RNF150: variants seen among roughly 807,000 people sequenced by gnomAD.
RNF150 encodes the protein ring finger protein 150.
Under a neutral mutation model 39.3 loss-of-function variants are expected in RNF150, and 24 were observed. The ratio of observed to expected loss-of-function variants is 0.61; its 90% CI spans 0.44 to 0.86. RNF150 has a LOEUF of 0.86. RNF150 is among the 40% of genes least tolerant of loss of function. The pLI is 0.00. For missense variants in RNF150, 502 were observed against 587.8 expected (o/e 0.85, Z 1.51); for synonymous variants, 255 against 227.3 (o/e 1.12, Z -1.10).
Position 140,911,315 on chromosome 4 carries a change from C to G in RNF150, c.1027G>C (p.Glu343Gln). The part of the protein sequence containing the change: ...DCMDDLPTDF[E>Q]GSLGGPPTNQ... ...GTGGGTGGACCTCCCAGAGAGCCCT[C>G]GAAGTCAGTGGGCAAGTCGTCCATG... The change falls in exon 6 of 7, where the codon GAG (glutamate) becomes CAG (glutamine). Residue 343 changes from glutamate (E) to glutamine (Q), a missense_variant. By Grantham distance (29) the Glu-to-Gln change is conservative. Transcript: ENST00000515673. 1.9e-6 allele frequency: 3 copies of G among 1,614,066 alleles called. No individual in the cohort carries two copies. The highest frequency in any genetic ancestry group is 2.5e-6 in the Non-Finnish European group (3 of 1,180,012).
intron 5 of RNF150, among the ~76,000 whole-genome samples, chr4:140,912,640 T>G (rs966180453): frequency 6.6e-6 from 1 of 152,180 alleles, no homozygotes. Context: ...TCTCCTGAGC[T>G]CCACACCTGT....
intron 1 of RNF150, among the ~76,000 whole-genome samples, chr4:140,977,672 C>T (rs1006565104): frequency 9.2e-5 from 14 of 152,112 alleles, no homozygotes; most frequent in African/African-American, 2.4e-4. Context: ...AGTCACTGAA[C>T]CTCTCATATA....
intron 1 of RNF150, among the ~76,000 whole-genome samples, chr4:141,063,778 TCA>T (rs1458811842): frequency 1.3e-5 from 2 of 152,268 alleles, no homozygotes; most frequent in East Asian, 1.9e-4. Context: ...TTACAGATTC[TCA>T]CAGTTTCATG....
intron 2 of RNF150, among the ~76,000 whole-genome samples, chr4:140,951,321 G>A (rs182501692): frequency 1.3e-5 from 2 of 152,178 alleles, no homozygotes; most frequent in African/African-American, 4.8e-5. Flanking sequence ...TAATAAAGCT[G>A]CCTTCAATAA....
At chr4:140,937,480 C>T (rs1309975421) in intron 4 of RNF150, among the ~76,000 whole-genome samples, 10 of 152,084 alleles carry the variant, frequency 6.6e-5, no homozygotes, top group East Asian at 5.8e-4. Flanking sequence ...AGGCCTGTCT[C>T]GAAATCCTGA....
intron 6 of RNF150, among the ~76,000 whole-genome samples, chr4:140,907,554 G>A (rs1730433577): frequency 1.3e-5 from 2 of 152,176 alleles, no homozygotes; most frequent in Admixed American, 1.3e-4. Flanking sequence ...CATGGGCCAG[G>A]AAAGAAAGAA....
chr4:140,889,943 A>C (rs1453291884), intron 6 of RNF150, among the ~76,000 whole-genome samples: 1 of 152,174 alleles, frequency 6.6e-6, no homozygotes, highest in Non-Finnish European at 1.5e-5. Flanking sequence ...GCTCTGAATA[A>C]ATTTTTATTG....
intron 1 of RNF150, among the ~76,000 whole-genome samples, chr4:141,100,216 G>A (rs1380376621): frequency 6.6e-6 from 1 of 152,084 alleles, no homozygotes; most frequent in Non-Finnish European, 1.5e-5. Flanking sequence ...TGGTAATTAT[G>A]TTCTAGTCCT....
At chr4:141,027,533 C>G (rs1735746901) in intron 1 of RNF150, among the ~76,000 whole-genome samples, 1 of 152,120 alleles carries the variant, frequency 6.6e-6, no homozygotes, top group Non-Finnish European at 1.5e-5. Flanking sequence ...CACCTCTTGG[C>G]ACACAGACAA....
chr4:141,065,147 G>A (rs1330744880), intron 1 of RNF150, among the ~76,000 whole-genome samples: 3 of 152,182 alleles, frequency 2.0e-5, no homozygotes, highest in South Asian at 4.1e-4. Flanking sequence ...TTACAGACAT[G>A]AGCCACCACA....
At chr4:141,030,196 A>G (rs183281906) in intron 1 of RNF150, among the ~76,000 whole-genome samples, 2 of 152,232 alleles carry the variant, frequency 1.3e-5, no homozygotes, top group East Asian at 3.9e-4. Flanking sequence ...TCCGTCTAAA[A>G]AAAAAAAAGC....
At chr4:141,066,450 A>G (rs1737465432) in intron 1 of RNF150, among the ~76,000 whole-genome samples, 1 of 152,186 alleles carries the variant, frequency 6.6e-6, no homozygotes, top group Non-Finnish European at 1.5e-5. Context: ...AAAAATGATG[A>G]TGCCACCTTA....
intron 1 of RNF150, among the ~76,000 whole-genome samples, chr4:141,068,227 G>A (rs1204060651): frequency 6.6e-6 from 1 of 152,178 alleles, no homozygotes; most frequent in South Asian, 2.1e-4. Context: ...TTACAGGCAT[G>A]AGCCACCATG....
In RNF150 at chr4:141,019,033, AATATATATATATATATATATATATAT is replaced by A. The variant is rs10527652; in HGVS notation, c.485-51186_485-51161del. Among the ~76,000 whole-genome samples, 169 of 126,394 alleles carry A rather than the reference AATATATATATATATATATATATATAT, an allele frequency of 1.3e-3. 5 individuals carry two copies. Among genetic ancestry groups the A allele is most frequent in the African/African-American group, 4.1e-3 (132 of 32,384 alleles). 82.9% of individuals were successfully genotyped at this position (126,394 alleles called of 152,430 possible). On this transcript the variant is annotated intron_variant, in intron 1 of 6. Coordinates refer to ENST00000515673, the MANE Select transcript of RNF150 (RefSeq NM_020724.2). ...TTTGAAGGCAATCTTACTGCAAAGA[AATATATATATATATATATATATATAT>A]ATATATATATATATATATATATGGA... is the stretch of plus-strand genomic sequence containing the variant.
At chr4:141,207,854 G>A (rs1248215381) in intron 1 of RNF150, among the ~76,000 whole-genome samples, 3 of 152,120 alleles carry the variant, frequency 2.0e-5, no homozygotes, top group East Asian at 3.9e-4. Flanking sequence ...TTTTCTCAAC[G>A]TTTTACTTTC....
intron 6 of RNF150, among the ~76,000 whole-genome samples, chr4:140,886,464 G>T: frequency 6.6e-6 from 1 of 152,064 alleles, no homozygotes; most frequent in East Asian, 1.9e-4. Flanking sequence ...TTTTAAATTG[G>T]GTTGTTTGTC....
chr4:141,035,423 C>T (rs529322676), intron 1 of RNF150, among the ~76,000 whole-genome samples: 1 of 152,240 alleles, frequency 6.6e-6, no homozygotes, highest in South Asian at 2.1e-4. Flanking sequence ...AATGCTATGA[C>T]TTAGTGGATA....
chr4:141,209,042 T>C (rs1168990297), intron 1 of RNF150, among the ~76,000 whole-genome samples: 1 of 151,870 alleles, frequency 6.6e-6, no homozygotes, highest in Non-Finnish European at 1.5e-5. Flanking sequence ...GCTTGTTCTT[T>C]GTCTGGTGAG....
chr4:141,174,215 G>A (rs1194419298), intron 1 of RNF150, among the ~76,000 whole-genome samples: 1 of 152,184 alleles, frequency 6.6e-6, no homozygotes, highest in Non-Finnish European at 1.5e-5. Flanking sequence ...AAGTGTCTGA[G>A]ACATCTCCCA....
Sources: gnomAD v4.1 joint callset for allele counts (sites outside exome capture counted in the v4.1 genomes callset) on GRCh38, gnomAD v4.1.1 for gene constraint, MANE v1.5 for transcripts, NCBI Gene and HGNC (gene_info 2026-07-23, HGNC 2026-07-21) for gene names.